The following TTC17 variants were observed in gnomAD, a reference collection of about 807,000 sequenced individuals.
TTC17 encodes tetratricopeptide repeat domain 17.
TTC17 carries 58 observed loss-of-function variants against 143.8 expected under a neutral mutation model. That is an observed-to-expected ratio of 0.40 (90% CI 0.33 to 0.50). The LOEUF (loss-of-function observed/expected upper bound fraction) is 0.50. TTC17 is among the 20% of genes least tolerant of loss of function. The pLI is 0.49. For synonymous variants in TTC17, 501 were observed against 497.8 expected (o/e 1.01, Z -0.09); for missense variants, 1,273 against 1,392.5 (o/e 0.91, Z 1.37).
chr11:43,491,705 C>A (rs1948477379), intron 22 of TTC17: 2 of 290,786 alleles, frequency 6.9e-6, no homozygotes, highest in Admixed American at 9.5e-5. Context: ...TTTTTATTAG[C>A]AGTCTGCAAT....
intron 3 of TTC17, 33 bp downstream of exon 3, chr11:43,389,854 C>A: frequency 6.5e-7 from 1 of 1,527,430 alleles, no homozygotes; most frequent in Non-Finnish European, 8.8e-7. Context: ...AATAAAATTG[C>A]TGTTTCAAAC....
At chr11:43,373,481 G>C (rs1856649081) in intron 1 of TTC17, among the ~76,000 whole-genome samples, 1 of 151,926 alleles carries the variant, frequency 6.6e-6, no homozygotes, top group East Asian at 1.9e-4. Flanking sequence ...CCACCACCAC[G>C]CCCAGCTAAT....
chr11:43,418,923 C>T (rs1195444833), intron 16 of TTC17, among the ~76,000 whole-genome samples: 1 of 152,162 alleles, frequency 6.6e-6, no homozygotes, highest in Non-Finnish European at 1.5e-5. Context: ...TTTTCTACTA[C>T]TAAAGTAATC....
At chr11:43,445,900 C>A in intron 18 of TTC17, 1 of 955,978 alleles carries the variant, frequency 1.0e-6, no homozygotes, top group Non-Finnish European at 1.6e-6. Flanking sequence ...AATAATAATG[C>A]TTAACTAATT....
At chr11:43,436,082 T>A in intron 16 of TTC17, 1 of 1,181,156 alleles carries the variant, frequency 8.5e-7, no homozygotes, top group Non-Finnish European at 1.1e-6. Flanking sequence ...TTTTTGCTCT[T>A]CTTGATATTT....
At chr11:43,370,331 C>T (rs755388978) in intron 1 of TTC17, 4 of 215,012 alleles carry the variant, frequency 1.9e-5, no homozygotes, top group Non-Finnish European at 2.9e-5. Context: ...CTTAGACAAT[C>T]ATTTGATTGT....
chr11:43,439,540 T>C (rs1020228540), intron 16 of TTC17, among the ~76,000 whole-genome samples: 2 of 150,730 alleles, frequency 1.3e-5, no homozygotes, highest in Non-Finnish European at 1.5e-5. Context: ...CAATCTCAGC[T>C]CACTGCAAGC....
At chr11:43,388,645 C>G (rs577086817) in intron 2 of TTC17, among the ~76,000 whole-genome samples, 1 of 150,700 alleles carries the variant, frequency 6.6e-6, no homozygotes, top group South Asian at 2.1e-4. Context: ...TTGAGACCAG[C>G]CTGGGCAACA....
intron 15 of TTC17, 103 bp downstream of exon 15, chr11:43,407,680 T>C: frequency 8.7e-7 from 1 of 1,149,850 alleles, no homozygotes; most frequent in Non-Finnish European, 1.2e-6. Flanking sequence ...AATGTCATGT[T>C]TTGTCTTTCA....
chr11:43,422,965 A>G (rs1946942151), intron 16 of TTC17, among the ~76,000 whole-genome samples: 1 of 152,238 alleles, frequency 6.6e-6, no homozygotes, highest in African/African-American at 2.4e-5. Context: ...AAAGTGGGAA[A>G]AATTGAAGAT....
intron 2 of TTC17, among the ~76,000 whole-genome samples, chr11:43,384,956 AT>A (rs1462337079): frequency 3.3e-5 from 5 of 152,242 alleles, no homozygotes; most frequent in African/African-American, 1.2e-4. Flanking sequence ...AAAATAATTA[AT>A]AGACAGATAC....
chr11:43,380,650 C>T (rs1203512665), intron 2 of TTC17, among the ~76,000 whole-genome samples: 1 of 152,158 alleles, frequency 6.6e-6, no homozygotes, highest in Non-Finnish European at 1.5e-5. Context: ...TATTTATCAA[C>T]ATACATATGT....
At chr11:43,487,602 A>G (rs1487180096) in intron 21 of TTC17, among the ~76,000 whole-genome samples, 1 of 152,266 alleles carries the variant, frequency 6.6e-6, no homozygotes, top group Non-Finnish European at 1.5e-5. Context: ...TGAGGAAAGA[A>G]TAAGCTGTGG....
intron 2 of TTC17, 118 bp downstream of exon 2, chr11:43,379,440 G>C (rs1272907834): frequency 1.3e-6 from 1 of 781,664 alleles, no homozygotes; most frequent in Non-Finnish European, 2.1e-6. Context: ...TGACTTTTGC[G>C]GGAATATACT....
chr11:43,392,278 T>C (rs565982431), intron 5 of TTC17, among the ~76,000 whole-genome samples: 2 of 152,322 alleles, frequency 1.3e-5, no homozygotes, highest in East Asian at 3.9e-4. Flanking sequence ...GTCGTTAATA[T>C]ATCTATACAC....
At position 43,493,839 on chromosome 11, in the gene TTC17, GCCAA is replaced by G; in HGVS notation, c.3362_3365del (p.Ala1121GlyfsTer11). ...GAAGCTTCAGCCCGAGTTTGTCCCA[GCCAA>G]GAACCGAATCCAGACCATCCAGTGT... On this transcript the variant is annotated frameshift_variant, in exon 24 of 24. Transcript: ENST00000039989. LOFTEE classifies it high-confidence loss of function. The G allele has an allele frequency of 6.2e-7, 1 of 1,614,052 alleles. No individual in the cohort carries two copies. The highest frequency in any genetic ancestry group is 8.5e-7 in the Non-Finnish European group (1 of 1,179,980).
chr11:43,433,103 C>T (rs553377329), intron 16 of TTC17, among the ~76,000 whole-genome samples: 189 of 152,270 alleles, frequency 1.2e-3, no homozygotes, highest in African/African-American at 4.2e-3. Flanking sequence ...CAAGTTCAAG[C>T]GATTCTCCTG....
intron 7 of TTC17, 90 bp from the exon 8 acceptor site, chr11:43,397,884 G>T: frequency 6.5e-7 from 1 of 1,534,156 alleles, no homozygotes; most frequent in Non-Finnish European, 8.8e-7. Context: ...CCAGGCCGTG[G>T]CTAACATTTT....
chr11:43,370,298 A>G (rs766731025), intron 1 of TTC17: 13 of 266,152 alleles, frequency 4.9e-5, no homozygotes, highest in Non-Finnish European at 9.9e-5. Context: ...GTAGCCTGGA[A>G]GGGATCGCAA....
Sources: allele counts gnomAD v4.1 joint callset (sites outside exome capture counted in the v4.1 genomes callset), GRCh38; gene constraint gnomAD v4.1.1; transcripts MANE v1.5; gene names NCBI Gene and HGNC (gene_info 2026-07-23, HGNC 2026-07-21).